GLS: variants seen among roughly 807,000 people sequenced by gnomAD.
The protein encoded by GLS is glutaminase kidney isoform, mitochondrial.
In GLS, 36 loss-of-function variants were observed where a neutral mutation model predicts 86.7. The observed-to-expected ratio is 0.42, with a 90% confidence interval of 0.32 to 0.55. The LOEUF is 0.55. Ranked by LOEUF, GLS falls within the 20% of genes least tolerant of loss-of-function variation. GLS has a pLI of 0.17. For synonymous variants in GLS, 317 were observed against 305.9 expected (o/e 1.04, Z -0.38); for missense variants, 528 against 833.4 (o/e 0.63, Z 4.51).
chr2:190,958,820 G>A (rs530526804), intron 17 of GLS, among the ~76,000 whole-genome samples: 4 of 152,300 alleles, frequency 2.6e-5, no homozygotes, highest in African/African-American at 9.6e-5. Flanking sequence ...TTGCTGAGGA[G>A]TGTTTTACTT....
chr2:190,893,038 A>G (rs1356809711), intron 1 of GLS, among the ~76,000 whole-genome samples: 1 of 152,200 alleles, frequency 6.6e-6, no homozygotes, highest in Admixed American at 6.5e-5. Flanking sequence ...CTTATTCTGC[A>G]GTTTTTTAAA....
rs1689421142 is a variant in GLS at position 190,913,305 on chromosome 2, C to A, written c.1038+2984C>A. On this transcript the variant is annotated intron_variant, in intron 7 of 17. Coordinates refer to ENST00000320717, the MANE Select transcript of GLS (RefSeq NM_014905.5). This position sits in a 1 kb window ranked among gnomAD's most constrained non-coding sequence, Gnocchi z 6.1. ...ACAGAAGGAGCCTGTTGCATAAATT[C>A]TTAACTACTAAGCTTATAGGAAAAC... 7.8e-7 allele frequency: 1 copy of A among 1,274,182 alleles called. No individual in the cohort carries two copies. The highest frequency in any genetic ancestry group is 1.3e-5 in the South Asian group (1 of 76,172). 78.9% of individuals were successfully genotyped at this position (1,274,182 alleles called of 1,614,324 possible).
rs1691084227 is a variant in GLS at position 190,964,728 on chromosome 2, G to A, written c.*1742G>A. 6.6e-6 allele frequency: 1 copy of A among 152,204 alleles called. No individual in the cohort carries two copies. The highest frequency in any genetic ancestry group is 6.5e-5 in the Admixed American group (1 of 15,268). 9.4% of individuals were successfully genotyped at this position (152,204 alleles called of 1,614,324 possible). On this transcript the variant is annotated 3_prime_UTR_variant, in exon 18 of 18. Transcript: ENST00000320717. The surrounding 1 kb of genome is among the most constrained non-coding windows in gnomAD (Gnocchi z 5.2). Reference sequence around the variant, plus strand: ...CCATGGAGACAGGTAGCATTTGTAAGATGCTGCACAGGAGCAGCATTATCC... The same window carrying A: ...CCATGGAGACAGGTAGCATTTGTAAAATGCTGCACAGGAGCAGCATTATCC...
At position 190,924,763 on chromosome 2, in the gene GLS, A is replaced by G. The variant is rs1351668016; in HGVS notation, c.1248+170A>G. The G allele has an allele frequency of 2.5e-5, 13 of 521,352 alleles. No homozygotes were observed. The East Asian group carries it at 4.2e-4, about 17-fold the overall frequency. The allele number at this position is 521,352 out of a possible 1,614,324, so 32.3% of individuals were successfully genotyped here. A position where few individuals can be genotyped will look rare whatever the true frequency, so the allele number is the denominator to read the frequency against. On this transcript the variant is annotated intron_variant, in intron 11 of 17. Coordinates refer to ENST00000320717, the MANE Select transcript of GLS (RefSeq NM_014905.5). The surrounding 1 kb of genome is among the most constrained non-coding windows in gnomAD (Gnocchi z 5.2). ...AACCCCATCTCTACTAAAAATACAAAAATTATTCGGGTGTGGTAGTGTGTG... is the reference window on the plus strand; with the variant it reads ...AACCCCATCTCTACTAAAAATACAAGAATTATTCGGGTGTGGTAGTGTGTG...
Position 190,953,627 on chromosome 2 carries a change from G to GT in GLS, c.1712+2dup. 1 of 1,591,982 alleles carries GT rather than the reference G, an allele frequency of 6.3e-7. No homozygotes were observed. The highest frequency in any genetic ancestry group is 8.6e-7 in the Non-Finnish European group (1 of 1,160,018). ...CTGGAGATGTGTCTGCACTTCGAAG[G>GT]TATGTTTACAGGATGGATTAGCATG... On this transcript the variant is annotated splice_donor_variant, in intron 15 of 17. Transcript: ENST00000320717. LOFTEE classifies it high-confidence loss of function. This position sits in a 1 kb window ranked among gnomAD's most constrained non-coding sequence, Gnocchi z 4.0.
intron 1 of GLS, among the ~76,000 whole-genome samples, chr2:190,882,323 T>C (rs2125969542): frequency 6.6e-6 from 1 of 152,386 alleles, no homozygotes; most frequent in Non-Finnish European, 1.5e-5. Flanking sequence ...CCTGTATGTG[T>C]ACGGCACAGT....
intron 6 of GLS, among the ~76,000 whole-genome samples, chr2:190,907,499 G>A (rs768600872): frequency 2.0e-5 from 3 of 151,820 alleles, no homozygotes; most frequent in Admixed American, 2.0e-4. Flanking sequence ...CAGGTGATCT[G>A]CCTGCCTCAG....
intron 5 of GLS, among the ~76,000 whole-genome samples, chr2:190,904,521 C>A (rs529950673): frequency 6.6e-6 from 1 of 152,032 alleles, no homozygotes. Context: ...AATTCTGTAT[C>A]CATGGGGTCT....
chr2:190,939,793 A>G (rs915589507), intron 14 of GLS, among the ~76,000 whole-genome samples: 12 of 151,796 alleles, frequency 7.9e-5, no homozygotes, highest in Admixed American at 6.6e-4. Context: ...ACCTAAAATC[A>G]TGGTATAAAT....
At chr2:190,890,800 A>G (rs1203160129) in intron 1 of GLS, among the ~76,000 whole-genome samples, 1 of 151,854 alleles carries the variant, frequency 6.6e-6, no homozygotes, top group Non-Finnish European at 1.5e-5. Flanking sequence ...ATTAGGCCTC[A>G]TTTTTTTTAA....
chr2:190,953,997 A>G lies in GLS; in HGVS notation c.1712+371A>G, dbSNP rs1336710389. ...GTGTGTGTGTGTGTGTGTGTGTGTG[A>G]AGCAGCTGGGGGGTTTGGTGTCTGG... On this transcript the variant is annotated intron_variant, in intron 15 of 17. Coordinates refer to ENST00000320717, the MANE Select transcript of GLS (RefSeq NM_014905.5). This position sits in a 1 kb window ranked among gnomAD's most constrained non-coding sequence, Gnocchi z 4.0. Among the ~76,000 whole-genome samples, 1 of 124,382 alleles carries G rather than the reference A, an allele frequency of 8.0e-6. No homozygotes were observed. Among genetic ancestry groups the G allele is most frequent in the East Asian group, 3.0e-4 (1 of 3,376 alleles). The allele number at this position is 124,382 out of a possible 152,430, so 81.6% of individuals were successfully genotyped here. A position where few individuals can be genotyped will look rare whatever the true frequency, so the allele number is the denominator to read the frequency against.
In GLS at chr2:190,924,257, C is replaced by T. The variant is rs934689840; in HGVS notation, c.1197+274C>T. On this transcript the variant is annotated intron_variant, in intron 10 of 17. Transcript: ENST00000320717. This position sits in a 1 kb window ranked among gnomAD's most constrained non-coding sequence, Gnocchi z 5.2. ...AGTCTATTTTTTCAAAAGCATGATG[C>T]CTGATTACTGTTAACTACTCTTGAT... 6.6e-6 allele frequency among the ~76,000 whole-genome samples: 1 copy of T among 151,976 alleles called. No homozygotes were observed. The highest frequency in any genetic ancestry group is 2.1e-4 in the South Asian group (1 of 4,824).
At chr2:190,927,830 G>A (rs779802234) in intron 12 of GLS, 69 of 163,556 alleles carry the variant, frequency 4.2e-4, no homozygotes, top group South Asian at 1.6e-4. Context: ...AAGATGTGAC[G>A]TTTCACATCT....
rs886878956 is a variant in GLS, at chr2:190,962,478, G to C, written c.1854-352G>C. 6.6e-6 allele frequency among the ~76,000 whole-genome samples: 1 copy of C among 152,214 alleles called. No homozygotes were observed. The highest frequency in any genetic ancestry group is 1.5e-5 in the Non-Finnish European group (1 of 68,034). ...TTTCTTTGAACATTTTATTTTAAAA[G>C]AGATACTTTGGGCTTTTCATGAAAC... On this transcript the variant is annotated intron_variant, in intron 17 of 17. Transcript: ENST00000320717. The surrounding 1 kb of genome is among the most constrained non-coding windows in gnomAD (Gnocchi z 4.2).
At chr2:190,908,139 A>G (rs1027003824) in intron 6 of GLS, among the ~76,000 whole-genome samples, 10 of 152,326 alleles carry the variant, frequency 6.6e-5, no homozygotes, top group South Asian at 4.1e-4. Context: ...TATTTTCTCT[A>G]TATCTAGAGA....
intron 4 of GLS, 48 bp from the exon 5 acceptor site, chr2:190,901,899 T>A: frequency 8.8e-7 from 1 of 1,134,438 alleles, no homozygotes; most frequent in Non-Finnish European, 1.3e-6. Flanking sequence ...GAAAATACAT[T>A]ATTTGTCAAT....
At chr2:190,904,115 C>T (rs998550865) in intron 5 of GLS, among the ~76,000 whole-genome samples, 1 of 151,640 alleles carries the variant, frequency 6.6e-6, no homozygotes, top group East Asian at 1.9e-4. Flanking sequence ...AACTTAGTGC[C>T]AGCTCTGTCA....
intron 6 of GLS, among the ~76,000 whole-genome samples, chr2:190,908,986 A>G (rs1343941985): frequency 6.6e-6 from 1 of 152,242 alleles, no homozygotes; most frequent in Non-Finnish European, 1.5e-5. Flanking sequence ...TCTAAGCCTG[A>G]TAATGTCAAA....
Position 190,901,884 on chromosome 2 carries a change from TG to T in GLS, c.736-61del, listed in dbSNP as rs1473641578. 5.9e-6 allele frequency: 6 copies of T among 1,019,146 alleles called. No individual in the cohort carries two copies. In the Admixed American group the frequency reaches 8.5e-5, roughly 14 times the overall value. The allele number at this position is 1,019,146 out of a possible 1,614,324, so 63.1% of individuals were successfully genotyped here. On this transcript the variant is annotated intron_variant, in intron 4 of 17. Transcript: ENST00000320717. ...TAAAATGAGATAAGAAATTTGTTGG[TG>T]GAAGAAAATACATTATTTGTCAATA...
Sources: allele counts gnomAD v4.1 joint callset (sites outside exome capture counted in the v4.1 genomes callset), GRCh38; gene constraint gnomAD v4.1.1; non-coding constraint Gnocchi (gnomAD v3.1); transcripts MANE v1.5; gene names NCBI Gene and HGNC (gene_info 2026-07-23, HGNC 2026-07-21).